The following POLRMT variants were observed in gnomAD, a reference collection of about 807,000 sequenced individuals.
POLRMT encodes RNA polymerase mitochondrial, also known as DNA-directed RNA polymerase, mitochondrial.
Under a neutral mutation model 132.2 loss-of-function variants are expected in POLRMT, and 114 were observed. The ratio of observed to expected loss-of-function variants is 0.86; its 90% CI spans 0.74 to 1.01. The LOEUF (loss-of-function observed/expected upper bound fraction) is 1.01, where lower values mean the gene tolerates loss of function less well. Ranked by LOEUF, POLRMT falls within the 50% of genes least tolerant of loss-of-function variation. The pLI, the probability that POLRMT is intolerant of heterozygous loss-of-function variation, is 0.00. For missense variants in POLRMT, 2,003 were observed against 1,729.1 expected, an observed-to-expected ratio of 1.16 and a Z score of -2.81; for synonymous variants, 1,020 against 773.4, an observed-to-expected ratio of 1.32 and a Z score of -5.29.
intron 10 of POLRMT, 69 bp downstream of exon 10, chr19:620,989 G>A (rs575648955): frequency 5.2e-6 from 6 of 1,164,756 alleles, no homozygotes; most frequent in Admixed American, 4.4e-5. Context: ...GCCGGGGGAG[G>A]GCGCGGGGGC....
rs1187481212 is a variant in POLRMT at position 617,855 on chromosome 19, G to A, written c.3423-6C>T. ...AGACGAAGGTCAGGCCCTTCCTGTG[G>A]CAGAGCGGAGGACTCCTGAAGGGAG... is the stretch of plus-strand genomic sequence containing the variant. On this transcript the variant is annotated splice_region_variant and splice_polypyrimidine_tract_variant and intron_variant, in intron 17 of 20. Transcript: ENST00000588649. 1.9e-6 allele frequency: 3 copies of A among 1,612,856 alleles called. No individual in the cohort carries two copies. The highest frequency in any genetic ancestry group is 2.5e-6 in the Non-Finnish European group (3 of 1,179,764).
chr19:617,997 C>T (rs1984141578), intron 17 of POLRMT, 148 bp from the exon 18 acceptor site: 1 of 671,990 alleles, frequency 1.5e-6, no homozygotes, highest in African/African-American at 1.8e-5. Flanking sequence ...CGCCCCGCCC[C>T]TCCCCAAACA....
chr19:618,154 T>C, intron 17 of POLRMT: 2 of 560,858 alleles, frequency 3.6e-6, no homozygotes, highest in South Asian at 4.3e-5. Context: ...CCCCGCATCC[T>C]GAGCATTCCC....
chr19:621,217 G>A lies in POLRMT; in HGVS notation c.2481C>T (p.Phe827=), dbSNP rs750384691. The A allele has an allele frequency of 7.5e-6, 12 of 1,609,988 alleles. No homozygotes were observed. Among genetic ancestry groups the A allele is most frequent in the Non-Finnish European group, 1.0e-5 (12 of 1,178,346 alleles). Residue 827 remains phenylalanine, a synonymous_variant, in exon 10 of 21, where the codon TTC becomes TTT. Transcript: ENST00000588649. ...GSDVARALLE[F]AQGRPLGPHG... ...GCGGGCCGAGCGGGCGGCCCTGGGC[G>A]AACTCCAGCAGGGCCCGCGCCACGT...
chr19:620,288 A>G, intron 11 of POLRMT, 77 bp downstream of exon 11: 1 of 1,471,910 alleles, frequency 6.8e-7, no homozygotes, highest in Non-Finnish European at 9.1e-7. Context: ...AGCGAAGGTG[A>G]AATCTCACAC....
rs761226683 is a variant in POLRMT at position 621,193 on chromosome 19, C to G, written c.2505G>C (p.Pro835=). The G allele has an allele frequency of 2.5e-6, 4 of 1,610,254 alleles. No individual in the cohort carries two copies. The Admixed American group carries it at 6.7e-5, about 27-fold the overall frequency. ...GGATCTTGAGCCAATCCAGGCCGTG[C>G]GGGCCGAGCGGGCGGCCCTGGGCGA... ...LEFAQGRPLG[P]HGLDWLKIHL... The change falls in exon 10 of 21, where the codon CCG becomes CCC. Residue 835 remains proline (P), a synonymous_variant. Transcript: ENST00000588649.
rs1330923628 is a variant in POLRMT, at chr19:621,824, G to A, written c.1874C>T (p.Pro625Leu). ...VQQIGILKPH[P>L]AYVQLLEKAA... ...CTTCTCCAGCAGCTGCACGTAGGCCGGGTGCGGCTTCAGGATGCCGATCTG... is the reference window on the plus strand; with the variant it reads ...CTTCTCCAGCAGCTGCACGTAGGCCAGGTGCGGCTTCAGGATGCCGATCTG... Residue 625 changes from proline (P) to leucine (L), a missense_variant, in exon 10 of 21, where the codon CCG becomes CTG. Physicochemically the swap from Pro to Leu is moderately conservative, Grantham distance 98 (BLOSUM62 -3). Transcript: ENST00000588649. The A allele has an allele frequency of 1.2e-5, 19 of 1,602,224 alleles. No individual in the cohort carries two copies. The highest frequency in any genetic ancestry group is 1.6e-5 in the Non-Finnish European group (19 of 1,179,818).
chr19:627,148 AT>A (rs869110035), intron 3 of POLRMT, among the ~76,000 whole-genome samples: 2,323 of 119,692 alleles, frequency 0.019, 32 homozygotes, highest in African/African-American at 0.044. Context: ...GTTTTGGGGC[AT>A]TTTTTTTTTT....
In POLRMT at chr19:629,640, A is replaced by G; in HGVS notation, c.722T>C (p.Leu241Pro). ...GTGGACGACCAGCAGGTGGTGGGCG[A>G]GGGGCAGCTGGTCAGTGAGCAGGCA... ...KCCLLTDQLP[L>P]AHHLLVVHHG... Residue 241 changes from leucine to proline, a missense_variant, in exon 3 of 21, where the codon CTC becomes CCC. Coordinates refer to ENST00000588649, the MANE Select transcript of POLRMT (RefSeq NM_005035.4). 1 of 1,610,300 alleles carries G rather than the reference A, an allele frequency of 6.2e-7. No individual in the cohort carries two copies. Among genetic ancestry groups the G allele is most frequent in the Non-Finnish European group, 8.5e-7 (1 of 1,179,472 alleles).
At chr19:625,357 G>T (rs997216207) in intron 3 of POLRMT, 103 bp from the exon 4 acceptor site, 26 of 1,500,188 alleles carry the variant, frequency 1.7e-5, no homozygotes, top group Non-Finnish European at 2.3e-5. Context: ...CTCAGCAGGG[G>T]ACAGGGTCAC....
intron 5 of POLRMT, 57 bp from the exon 6 acceptor site, chr19:623,660 A>G: frequency 1.3e-6 from 2 of 1,584,962 alleles, no homozygotes; most frequent in Non-Finnish European, 8.6e-7. Context: ...CTGCCCTCCC[A>G]GGACCCCGAG....
At chr19:631,292 T>C (rs1380042197) in intron 2 of POLRMT, among the ~76,000 whole-genome samples, 2 of 132,378 alleles carry the variant, frequency 1.5e-5, no homozygotes, top group African/African-American at 5.7e-5. Flanking sequence ...CAGGCCACCG[T>C]GCTGCAGCCT....
intron 5 of POLRMT, 84 bp from the exon 6 acceptor site, chr19:623,687 C>T: frequency 1.3e-6 from 2 of 1,482,290 alleles, no homozygotes; most frequent in Non-Finnish European, 9.2e-7. Flanking sequence ...TGGGTGCACG[C>T]GTTTCTGCGT....
chr19:633,124 G>T (rs904574168), intron 1 of POLRMT, 186 bp from the exon 2 acceptor site: 2 of 608,128 alleles, frequency 3.3e-6, no homozygotes, highest in Non-Finnish European at 5.4e-6. Context: ...GCGAACACGG[G>T]CGCGGAACCG....
chr19:620,870 G>T lies in POLRMT; in HGVS notation c.2640+188C>A, dbSNP rs1485405270. 5.4e-3 allele frequency among the ~76,000 whole-genome samples: 492 copies of T among 90,996 alleles called. 9 individuals carry two copies. Among genetic ancestry groups the T allele is most frequent in the African/African-American group, 0.023 (469 of 20,830 alleles). The allele number at this position is 90,996 out of a possible 152,430, so 59.7% of individuals were successfully genotyped here. A position where few individuals can be genotyped will look rare whatever the true frequency, so the allele number is the denominator to read the frequency against. ...GGCAGGGGGCGCGGGGGAGGAGAGCGGGCGGGGGACGTGGGGGCGCCAGGG... is the reference window on the plus strand; with the variant it reads ...GGCAGGGGGCGCGGGGGAGGAGAGCTGGCGGGGGACGTGGGGGCGCCAGGG... On this transcript the variant is annotated intron_variant, in intron 10 of 20. Transcript: ENST00000588649.
intron 3 of POLRMT, among the ~76,000 whole-genome samples, chr19:629,236 C>G (rs1005884331): frequency 6.6e-6 from 1 of 152,042 alleles, no homozygotes; most frequent in Non-Finnish European, 1.5e-5. Flanking sequence ...CTCATCCTGA[C>G]GAGGGCTCTG....
In POLRMT at chr19:618,547, G is replaced by A. The variant is rs141795579; in HGVS notation, c.3363C>T (p.Pro1121=). ...NTRKQKNGFP[P]NFIHSLDSSH... ...AGGAGTCCAGCGAGTGGATGAAGTT[G>A]GGCGGGAAGCCGTTCTTCTGCTTAC... The change falls in exon 17 of 21, where the codon CCC becomes CCT. Residue 1121 remains proline (P), a synonymous_variant. Transcript: ENST00000588649. 2.7e-4 allele frequency: 430 copies of A among 1,613,434 alleles called. No homozygotes were observed. In the African/African-American group the frequency reaches 5.1e-3, roughly 19 times the overall value.
intron 5 of POLRMT, among the ~76,000 whole-genome samples, chr19:624,355 T>A (rs544056615): frequency 2.8e-4 from 43 of 151,750 alleles, no homozygotes; most frequent in Non-Finnish European, 5.6e-4. Flanking sequence ...TAGACAACCG[T>A]GACTACACTA....
In POLRMT at chr19:630,010, G is replaced by A; in HGVS notation, c.352C>T (p.Pro118Ser). The A allele has an allele frequency of 6.2e-7, 1 of 1,613,780 alleles. No homozygotes were observed. Among genetic ancestry groups the A allele is most frequent in the Non-Finnish European group, 8.5e-7 (1 of 1,180,026 alleles). Residue 118 changes from proline (P) to serine (S), a missense_variant, in exon 3 of 21, where the codon CCC becomes TCC. Transcript: ENST00000588649. Reference sequence around the variant, plus strand: ...AGTATCTTTGCCCAGCGGCCACAGGGCACCGGGGTGGCATCCTTGGCCCCC... The same window carrying A: ...AGTATCTTTGCCCAGCGGCCACAGGACACCGGGGTGGCATCCTTGGCCCCC... ...QMGAKDATPV[P>S]CGRWAKILEK... is the part of the protein sequence containing the mutation.
Sources: gnomAD v4.1 joint callset for allele counts (sites outside exome capture counted in the v4.1 genomes callset) on GRCh38, gnomAD v4.1.1 for gene constraint, MANE v1.5 for transcripts, NCBI Gene and HGNC (gene_info 2026-07-23, HGNC 2026-07-21) for gene names.